The following PTPRN2 variants were observed in gnomAD, a reference collection of about 807,000 sequenced individuals.
PTPRN2 encodes the protein protein tyrosine phosphatase receptor type N2, also known as receptor-type tyrosine-protein phosphatase N2.
Under a neutral mutation model 118.8 loss-of-function variants are expected in PTPRN2, and 74 were observed. The observed-to-expected ratio is 0.62, with a 90% CI of 0.52 to 0.76. The LOEUF (loss-of-function observed/expected upper bound fraction) is 0.76. Ranked by LOEUF, PTPRN2 falls within the 30% of genes least tolerant of loss-of-function variation. The pLI is 0.00. For missense variants in PTPRN2, 1,481 were observed against 1,394.4 expected (o/e 1.06, Z -0.99); for synonymous variants, 641 against 608.0 (o/e 1.05, Z -0.80).
intron 2 of PTPRN2, among the ~76,000 whole-genome samples, chr7:158,466,357 G>A (rs1819387286): frequency 6.6e-6 from 1 of 151,656 alleles, no homozygotes; most frequent in Non-Finnish European, 1.5e-5. Flanking sequence ...TCCACTCTCT[G>A]TTTCTATGTA....
chr7:157,604,219 CCAAA>C (rs1400617663), intron 15 of PTPRN2, 144 bp from the exon 16 acceptor site: 5 of 729,552 alleles, frequency 6.9e-6, no homozygotes, highest in Non-Finnish European at 1.1e-5. Flanking sequence ...TGTGGGACTC[CCAAA>C]CAGCCTCCAG....
intron 15 of PTPRN2, among the ~76,000 whole-genome samples, chr7:157,604,775 G>C: frequency 6.6e-6 from 1 of 152,354 alleles, no homozygotes; most frequent in Non-Finnish European, 1.5e-5. Context: ...TGCTGAAGCC[G>C]GGCGCAGCGG....
At chr7:158,458,858 C>A (rs981704581) in intron 2 of PTPRN2, among the ~76,000 whole-genome samples, 13 of 152,334 alleles carry the variant, frequency 8.5e-5, no homozygotes, top group African/African-American at 2.9e-4. Context: ...CGTGGACACA[C>A]CTTTGATCCC....
At chr7:158,131,729 C>T (rs111219482) in intron 9 of PTPRN2, among the ~76,000 whole-genome samples, 2 of 142,110 alleles carry the variant, frequency 1.4e-5, no homozygotes, top group African/African-American at 2.7e-5. Context: ...CACACATCTA[C>T]CCAACACACT....
At chr7:158,189,279 C>T (rs1048332615) in intron 5 of PTPRN2, among the ~76,000 whole-genome samples, 1 of 152,234 alleles carries the variant, frequency 6.6e-6, no homozygotes, top group Non-Finnish European at 1.5e-5. Context: ...TGCGCCTTGT[C>T]CCACAGGCAA....
chr7:157,767,230 C>T (rs968813346), intron 12 of PTPRN2, among the ~76,000 whole-genome samples: 5 of 152,204 alleles, frequency 3.3e-5, no homozygotes, highest in African/African-American at 1.2e-4. Flanking sequence ...CCACGTCCAT[C>T]ATCCATCTGT....
chr7:157,657,974 C>T (rs948899205), intron 13 of PTPRN2, among the ~76,000 whole-genome samples: 41 of 149,064 alleles, frequency 2.8e-4, no homozygotes, highest in African/African-American at 1.0e-3. Flanking sequence ...GACACACACA[C>T]ACCACACACA....
chr7:157,657,229 CA>C (rs1190229574), intron 13 of PTPRN2, among the ~76,000 whole-genome samples: 28 of 113,974 alleles, frequency 2.5e-4, no homozygotes, highest in East Asian at 1.4e-3. Flanking sequence ...ACATACGCCA[CA>C]CACACACACC....
rs1348434372 is a variant in PTPRN2, at chr7:157,893,769, C to T, written c.1788+4904G>A. ...CTTGGGATCATCATCGAACAGATAA[C>T]ATAAAAAGCCAGGGCCCAGGTGAGT... On this transcript the variant is annotated intron_variant, in intron 12 of 22. Coordinates refer to ENST00000389418, the MANE Select transcript of PTPRN2 (RefSeq NM_002847.5). This position sits in a 1 kb window ranked among gnomAD's most constrained non-coding sequence, Gnocchi z 4.0. Among the ~76,000 whole-genome samples, 1 of 152,136 alleles carries T rather than the reference C, an allele frequency of 6.6e-6. No individual in the cohort carries two copies. The highest frequency in any genetic ancestry group is 1.5e-5 in the Non-Finnish European group (1 of 68,030).
intron 5 of PTPRN2, among the ~76,000 whole-genome samples, chr7:158,175,503 C>T (rs907740806): frequency 2.0e-5 from 3 of 152,164 alleles, no homozygotes; most frequent in Non-Finnish European, 2.9e-5. Flanking sequence ...TGTCTTAACA[C>T]AGTAGAAAGT....
intron 10 of PTPRN2, among the ~76,000 whole-genome samples, chr7:158,091,881 A>AGGGAAAG (rs1814184912): frequency 2.4e-4 from 2 of 8,352 alleles, no homozygotes; most frequent in African/African-American, 5.8e-4. Flanking sequence ...TGGGTGGGTG[A>AGGGAAAG]GTGAGGGATA....
At chr7:157,962,191 G>A (rs779176670) in intron 11 of PTPRN2, among the ~76,000 whole-genome samples, 14 of 152,248 alleles carry the variant, frequency 9.2e-5, no homozygotes, top group Non-Finnish European at 1.9e-4. Context: ...TTAAGGAGAA[G>A]CAAAGTGCTT....
At chr7:157,955,973 C>A (rs1412582529) in intron 11 of PTPRN2, among the ~76,000 whole-genome samples, 1 of 152,174 alleles carries the variant, frequency 6.6e-6, no homozygotes, top group Non-Finnish European at 1.5e-5. Flanking sequence ...AGGGAGAAAC[C>A]CGCACATTCT....
intron 11 of PTPRN2, among the ~76,000 whole-genome samples, chr7:158,060,113 C>G (rs1224875443): frequency 1.7e-5 from 2 of 114,732 alleles, no homozygotes; most frequent in Middle Eastern, 5.0e-3. Context: ...ATCACTGCAG[C>G]CACACTCCAT....
intron 12 of PTPRN2, among the ~76,000 whole-genome samples, chr7:157,840,707 C>T (rs1345017445): frequency 3.9e-5 from 6 of 152,240 alleles, no homozygotes; most frequent in African/African-American, 9.6e-5. Flanking sequence ...CACTCACAGC[C>T]GCCACCAGGC....
At chr7:158,389,048 C>T (rs959896315) in intron 2 of PTPRN2, among the ~76,000 whole-genome samples, 4 of 152,238 alleles carry the variant, frequency 2.6e-5, no homozygotes, top group Non-Finnish European at 5.9e-5. Flanking sequence ...GTGAGGCGGG[C>T]CCCTGGAAGG....
chr7:158,510,443 ACT>A (rs10581746), intron 1 of PTPRN2, among the ~76,000 whole-genome samples: 2,946 of 147,552 alleles, frequency 0.02, 66 homozygotes, highest in African/African-American at 0.057. Context: ...GTGTGTGTTT[ACT>A]CTCTCTCTCT....
At chr7:157,771,433 C>A (rs1802795879) in intron 12 of PTPRN2, among the ~76,000 whole-genome samples, 1 of 152,234 alleles carries the variant, frequency 6.6e-6, no homozygotes, top group South Asian at 2.1e-4. Context: ...CCAGTTCATG[C>A]CCTTCTGTGG....
At chr7:158,475,281 C>T (rs1233083077) in intron 2 of PTPRN2, among the ~76,000 whole-genome samples, 2 of 141,366 alleles carry the variant, frequency 1.4e-5, no homozygotes, top group African/African-American at 3.1e-5. Flanking sequence ...AGGGAGGCCC[C>T]GAAGGGCCCT....
Sources: gnomAD v4.1 joint callset for allele counts (sites outside exome capture counted in the v4.1 genomes callset) on GRCh38, gnomAD v4.1.1 for gene constraint, Gnocchi (gnomAD v3.1) non-coding constraint, MANE v1.5 for transcripts, NCBI Gene and HGNC (gene_info 2026-07-23, HGNC 2026-07-21) for gene names.